CCBE1: variants seen among roughly 807,000 people sequenced by gnomAD.
The protein encoded by CCBE1 is collagen and calcium-binding EGF domain-containing protein 1.
A neutral mutation model predicts 50.0 loss-of-function variants in CCBE1; 37 were observed. The ratio of observed to expected loss-of-function variants is 0.74; its 90% CI spans 0.57 to 0.97. CCBE1 has a LOEUF of 0.97. Among genes scored for constraint, CCBE1 ranks in the 50% least tolerant of loss-of-function variants. The pLI is 0.00. For missense variants in CCBE1, 538 were observed against 523.8 expected (o/e 1.03, Z -0.26); for synonymous variants, 234 against 203.7 (o/e 1.15, Z -1.27).
intron 2 of CCBE1, among the ~76,000 whole-genome samples, chr18:59,573,628 T>G (rs1422888906): frequency 6.6e-6 from 1 of 151,676 alleles, no homozygotes; most frequent in Non-Finnish European, 1.5e-5. Context: ...ACCATTTTAG[T>G]TGAAATAACT....
At chr18:59,490,047 C>T (rs1248044556) in intron 2 of CCBE1, among the ~76,000 whole-genome samples, 3 of 126,900 alleles carry the variant, frequency 2.4e-5, no homozygotes, top group South Asian at 5.0e-4. Flanking sequence ...AGTGCAGTGG[C>T]GTGATCTTGG....
At chr18:59,496,406 A>G (rs188373597) in intron 2 of CCBE1, among the ~76,000 whole-genome samples, 2 of 152,336 alleles carry the variant, frequency 1.3e-5, no homozygotes, top group African/African-American at 4.8e-5. Flanking sequence ...ATTTATAAAA[A>G]TAAGTGTCAT....
intron 2 of CCBE1, among the ~76,000 whole-genome samples, chr18:59,622,542 C>G (rs994920690): frequency 1.3e-5 from 2 of 150,214 alleles, no homozygotes; most frequent in African/African-American, 4.9e-5. Context: ...GTGGCTCACA[C>G]CTGTAATCCC....
chr18:59,507,755 T>C (rs976310767), intron 2 of CCBE1, among the ~76,000 whole-genome samples: 11 of 152,206 alleles, frequency 7.2e-5, no homozygotes, highest in African/African-American at 2.7e-4. Flanking sequence ...TCTAACAATA[T>C]ATGCAGTCAA....
At chr18:59,562,819 T>C (rs1422040591) in intron 2 of CCBE1, among the ~76,000 whole-genome samples, 1 of 152,106 alleles carries the variant, frequency 6.6e-6, no homozygotes, top group East Asian at 1.9e-4. Flanking sequence ...CTCCCTCACA[T>C]GTTGTGGCCA....
At chr18:59,499,098 C>T (rs1482416286) in intron 2 of CCBE1, among the ~76,000 whole-genome samples, 1 of 152,150 alleles carries the variant, frequency 6.6e-6, no homozygotes, top group Non-Finnish European at 1.5e-5. Flanking sequence ...GCTAGAAAGT[C>T]CAGTGATAAA....
At chr18:59,539,029 A>G (rs1403742243) in intron 2 of CCBE1, among the ~76,000 whole-genome samples, 1 of 152,092 alleles carries the variant, frequency 6.6e-6, no homozygotes, top group East Asian at 1.9e-4. Flanking sequence ...GTAAAAAACT[A>G]GCCAGGCACA....
intron 2 of CCBE1, among the ~76,000 whole-genome samples, chr18:59,689,529 A>G (rs2054701862): frequency 6.6e-6 from 1 of 152,052 alleles, no homozygotes; most frequent in Non-Finnish European, 1.5e-5. Flanking sequence ...CATCACTACC[A>G]CCCCATTCTC....
intron 3 of CCBE1, among the ~76,000 whole-genome samples, chr18:59,471,043 C>A (rs1912008578): frequency 6.6e-6 from 1 of 152,174 alleles, no homozygotes; most frequent in Non-Finnish European, 1.5e-5. Context: ...CTCTAGGCAG[C>A]CAAGGTTCTG....
At position 59,435,726 on chromosome 18, in the gene CCBE1, G is replaced by A; in HGVS notation, c.*182C>T. The A allele has an allele frequency of 1.5e-6, 1 of 685,190 alleles. No homozygotes were observed. The highest frequency in any genetic ancestry group is 1.7e-5 in the South Asian group (1 of 58,718). The allele number at this position is 685,190 out of a possible 1,614,324, so 42.4% of individuals were successfully genotyped here. ...ATCATTCACTCCCTCATGTCTGCAG[G>A]CCTAGGAGGGGACTCTGAAAATAGC... On this transcript the variant is annotated 3_prime_UTR_variant, in exon 11 of 11. Transcript: ENST00000439986.
intron 2 of CCBE1, among the ~76,000 whole-genome samples, chr18:59,597,678 ACT>A (rs2053373796): frequency 6.6e-6 from 1 of 151,920 alleles, no homozygotes; most frequent in Non-Finnish European, 1.5e-5. Flanking sequence ...GGATTTAGTA[ACT>A]CTGCCAGCAT....
chr18:59,610,088 C>T (rs1301609536), intron 2 of CCBE1, among the ~76,000 whole-genome samples: 2 of 152,208 alleles, frequency 1.3e-5, no homozygotes, highest in Non-Finnish European at 2.9e-5. Flanking sequence ...AAAAATACTA[C>T]TCTGTCACTT....
chr18:59,514,446 C>A (rs1433514476), intron 2 of CCBE1, among the ~76,000 whole-genome samples: 3 of 152,078 alleles, frequency 2.0e-5, no homozygotes, highest in Non-Finnish European at 4.4e-5. Context: ...GCCTTCCATG[C>A]AGCCAACACC....
At chr18:59,614,001 G>GAT (rs1453181219) in intron 2 of CCBE1, among the ~76,000 whole-genome samples, 3 of 151,440 alleles carry the variant, frequency 2.0e-5, no homozygotes, top group African/African-American at 7.3e-5. Context: ...AGCCACCTGA[G>GAT]TACCTGGGAT....
intron 2 of CCBE1, among the ~76,000 whole-genome samples, chr18:59,548,352 T>C (rs1047049075): frequency 6.6e-6 from 1 of 152,182 alleles, no homozygotes; most frequent in African/African-American, 2.4e-5. Flanking sequence ...TATTTAAAGA[T>C]AGTGAGTTAT....
chr18:59,432,464 CCCAT>C lies in CCBE1; in HGVS notation c.*3440_*3443del, dbSNP rs1485836669. On this transcript the variant is annotated 3_prime_UTR_variant, in exon 11 of 11. Transcript: ENST00000439986. ...CAAATCTTACCCCAGAAATAGCTTT[CCCAT>C]TAGGTTTTGAGCAGAAGTCCTGTTT... is the stretch of plus-strand genomic sequence containing the variant. 7 of 152,096 alleles carry C rather than the reference CCCAT, an allele frequency of 4.6e-5. No individual in the cohort carries two copies. Among genetic ancestry groups the C allele is most frequent in the Non-Finnish European group, 1.0e-4 (7 of 68,024 alleles). 9.4% of individuals were successfully genotyped at this position (152,096 alleles called of 1,614,324 possible).
At chr18:59,622,483 G>A (rs1219650510) in intron 2 of CCBE1, among the ~76,000 whole-genome samples, 4 of 147,530 alleles carry the variant, frequency 2.7e-5, no homozygotes, top group Non-Finnish European at 4.5e-5. Flanking sequence ...CAGCCTGGGC[G>A]ACAGAGTGAG....
rs565537064 is a variant in CCBE1 at position 59,496,970 on chromosome 18, G to A, written c.213-16732C>T. ...CACTTGCTCATTTTGATGAATTGAT[G>A]TAAATTATATATGAGCTTACATTTT... On this transcript the variant is annotated intron_variant, in intron 2 of 10. Transcript: ENST00000439986. Among the ~76,000 whole-genome samples, 10 of 152,328 alleles carry A rather than the reference G, an allele frequency of 6.6e-5. No individual in the cohort carries two copies. The East Asian group carries it at 1.7e-3, about 26-fold the overall frequency.
At chr18:59,548,742 T>TTCAATAGGTGC (rs1441678788) in intron 2 of CCBE1, among the ~76,000 whole-genome samples, 3 of 151,626 alleles carry the variant, frequency 2.0e-5, no homozygotes, top group Non-Finnish European at 4.4e-5. Context: ...ACCTGAGGTG[T>TTCAATAGGTGC]TCAAATAGCC....
Sources: allele counts gnomAD v4.1 joint callset (sites outside exome capture counted in the v4.1 genomes callset), GRCh38; gene constraint gnomAD v4.1.1; transcripts MANE v1.5; gene names NCBI Gene and HGNC (gene_info 2026-07-23, HGNC 2026-07-21).